RBFOX1: variants seen among roughly 807,000 people sequenced by gnomAD.
RBFOX1 encodes the protein RNA binding fox-1 homolog 1.
Under a neutral mutation model 57.7 loss-of-function variants are expected in RBFOX1, and 8 were observed. The observed-to-expected ratio is 0.14, with a 90% CI of 0.08 to 0.25. The LOEUF (loss-of-function observed/expected upper bound fraction) is 0.25, where lower values mean the gene tolerates loss of function less well. Among genes scored for constraint, RBFOX1 ranks in the 10% least tolerant of loss-of-function variants. RBFOX1 has a pLI of 1.00. For missense variants in RBFOX1, 611 were observed against 548.5 expected, an observed-to-expected ratio of 1.11 and a Z score of -1.14; for synonymous variants, 326 against 222.4, an observed-to-expected ratio of 1.47 and a Z score of -4.15.
chr16:6,692,517 C>A (rs1326040666), intron 3 of RBFOX1, among the ~76,000 whole-genome samples: 1 of 152,140 alleles, frequency 6.6e-6, no homozygotes, highest in Admixed American at 6.5e-5. Flanking sequence ...CAGCATGTGT[C>A]GGCCTCCTGG....
chr16:5,251,182 C>T (rs1278473556), intron 1 of RBFOX1, among the ~76,000 whole-genome samples: 1 of 152,232 alleles, frequency 6.6e-6, no homozygotes, highest in Non-Finnish European at 1.5e-5. Flanking sequence ...CAGACTGCCT[C>T]ACTCTGGAGA....
chr16:7,067,747 C>A (rs1238628924), intron 4 of RBFOX1, among the ~76,000 whole-genome samples: 1 of 140,020 alleles, frequency 7.1e-6, no homozygotes, highest in East Asian at 2.2e-4. Flanking sequence ...CATGTGTTCT[C>A]ATTGTTCAAT....
chr16:6,415,189 G>A (rs970891866), intron 2 of RBFOX1, among the ~76,000 whole-genome samples: 1 of 145,070 alleles, frequency 6.9e-6, no homozygotes, highest in African/African-American at 2.6e-5. Context: ...GTTGCAGTGA[G>A]CCAAGACCAT....
intron 4 of RBFOX1, among the ~76,000 whole-genome samples, chr16:7,384,905 C>T (rs779836195): frequency 3.3e-5 from 5 of 152,110 alleles, no homozygotes; most frequent in African/African-American, 1.2e-4. Context: ...GTGACAGGTG[C>T]AAGTCAGATA....
At position 7,019,979 on chromosome 16, in the gene RBFOX1, C is replaced by CTT. The variant is rs60617980; in HGVS notation, c.-15-32065_-15-32064dup. On this transcript the variant is annotated intron_variant, in intron 3 of 15. Coordinates refer to ENST00000550418, the MANE Select transcript of RBFOX1 (RefSeq NM_018723.4). ...TATATTCCCTTTCTTCTGGCTCTCT[C>CTT]TTTTTTTTTTTTTTCTCTGATGAAG... Among the ~76,000 whole-genome samples the CTT allele has an allele frequency of 3.7e-3, 526 of 143,686 alleles. 7 individuals carry two copies. Among genetic ancestry groups the CTT allele is most frequent in the African/African-American group, 0.012 (469 of 38,958 alleles). 94.3% of individuals were successfully genotyped at this position (143,686 alleles called of 152,430 possible). A position where few individuals can be genotyped will look rare whatever the true frequency, so the allele number is the denominator to read the frequency against.
chr16:6,618,406 TAGA>T (rs1216938076), intron 2 of RBFOX1, among the ~76,000 whole-genome samples: 1 of 152,210 alleles, frequency 6.6e-6, no homozygotes, highest in African/African-American at 2.4e-5. Flanking sequence ...TCATTATTTA[TAGA>T]AGAAGACACT....
At chr16:7,480,140 G>T (rs1226293327) in intron 4 of RBFOX1, among the ~76,000 whole-genome samples, 2 of 152,174 alleles carry the variant, frequency 1.3e-5, no homozygotes, top group Non-Finnish European at 2.9e-5. Context: ...TGTTAAGCCT[G>T]TGTGTCTTGG....
chr16:6,699,257 C>T (rs2061484817), intron 3 of RBFOX1, among the ~76,000 whole-genome samples: 2 of 151,368 alleles, frequency 1.3e-5, no homozygotes, highest in Admixed American at 1.3e-4. Flanking sequence ...TTCACGTTCA[C>T]TGTTGTGAGG....
At position 5,980,449 on chromosome 16, in the gene RBFOX1, G is replaced by A. The variant is rs772133683; in HGVS notation, c.351+113114G>A. 3.9e-5 allele frequency among the ~76,000 whole-genome samples: 6 copies of A among 152,154 alleles called. No individual in the cohort carries two copies. In the South Asian group the frequency reaches 8.3e-4, roughly 21 times the overall value. On this transcript the variant is annotated intron_variant, in intron 4 of 19. Coordinates refer to the RBFOX1 transcript ENST00000641259. ...GTGTCTCAGGATCCTGCAGGAGGCC[G>A]AATTCTCGCTCTGGCCCTGGGCAGA... is the stretch of plus-strand genomic sequence containing the variant.
chr16:5,378,994 G>A (rs2066062559), intron 1 of RBFOX1, among the ~76,000 whole-genome samples: 1 of 151,512 alleles, frequency 6.6e-6, no homozygotes, highest in Non-Finnish European at 1.5e-5. Context: ...CCTTCCTTGG[G>A]CTCAGGACCC....
rs1300759873 is a variant in RBFOX1 at position 6,588,230 on chromosome 16, G to A, written c.-63-66373G>A. Among the ~76,000 whole-genome samples the A allele has an allele frequency of 4.7e-5, 7 of 150,494 alleles. No individual in the cohort carries two copies. In the South Asian group the frequency reaches 6.3e-4, roughly 13 times the overall value. On this transcript the variant is annotated intron_variant, in intron 2 of 15. Transcript: ENST00000550418. ...TGGGCACAGAGCAAGACTGTGTCTCGGGAAAAAAAAAAAGAAAGGCAGTTT... is the reference window on the plus strand; with the variant it reads ...TGGGCACAGAGCAAGACTGTGTCTCAGGAAAAAAAAAAAGAAAGGCAGTTT...
At chr16:6,435,307 GTTT>G (rs1208884193) in intron 2 of RBFOX1, among the ~76,000 whole-genome samples, 2 of 151,954 alleles carry the variant, frequency 1.3e-5, no homozygotes, top group Non-Finnish European at 2.9e-5. Context: ...TTTTTGTTTT[GTTT>G]TTGTTTTTGA....
intron 4 of RBFOX1, among the ~76,000 whole-genome samples, chr16:7,383,827 C>A (rs937364311): frequency 3.0e-4 from 46 of 152,080 alleles, no homozygotes; most frequent in African/African-American, 1.1e-3. Context: ...GAGGCCGAGG[C>A]GGGCAGATCA....
intron 1 of RBFOX1, among the ~76,000 whole-genome samples, chr16:5,466,413 A>C (rs1023163921): frequency 6.6e-6 from 1 of 151,962 alleles, no homozygotes; most frequent in African/African-American, 2.4e-5. Context: ...TCCTGACCCA[A>C]CGGAGGTGCT....
In RBFOX1 at chr16:6,023,103, ATGT is replaced by A. The variant is rs566194516; in HGVS notation, c.-127+3115_-127+3117del. Among the ~76,000 whole-genome samples, 236 of 152,218 alleles carry A rather than the reference ATGT, an allele frequency of 1.6e-3. 2 individuals are homozygous for A. The highest frequency in any genetic ancestry group is 5.2e-3 in the African/African-American group (216 of 41,512). On this transcript the variant is annotated intron_variant, in intron 1 of 15. Transcript: ENST00000550418. ...AATCAACAGGTATAAAGTTTCAGTA[ATGT>A]TGTAATAAATCTTGCTGTCCGTAGA...
chr16:6,445,018 G>T (rs28662968), intron 2 of RBFOX1, among the ~76,000 whole-genome samples: 7 of 151,854 alleles, frequency 4.6e-5, no homozygotes, highest in Non-Finnish European at 1.0e-4. Flanking sequence ...AAGTATTCCA[G>T]GCAGGAGATG....
chr16:7,271,811 T>A (rs760208705), intron 4 of RBFOX1, among the ~76,000 whole-genome samples: 2 of 151,978 alleles, frequency 1.3e-5, no homozygotes, highest in African/African-American at 4.8e-5. Flanking sequence ...AATGTCTGGG[T>A]TTCACTCAGG....
At chr16:6,727,143 A>G (rs1353656294) in intron 3 of RBFOX1, among the ~76,000 whole-genome samples, 1 of 151,348 alleles carries the variant, frequency 6.6e-6, no homozygotes, top group Non-Finnish European at 1.5e-5. Flanking sequence ...AAACATGTAT[A>G]TATTTGCCTT....
chr16:7,290,959 A>T (rs2095758448), intron 4 of RBFOX1, among the ~76,000 whole-genome samples: 1 of 152,216 alleles, frequency 6.6e-6, no homozygotes, highest in Non-Finnish European at 1.5e-5. Context: ...TCAATATTGC[A>T]AAACATACAA....
Sources: gnomAD v4.1 joint callset for allele counts (sites outside exome capture counted in the v4.1 genomes callset) on GRCh38, gnomAD v4.1.1 for gene constraint, MANE v1.5 for transcripts, NCBI Gene and HGNC (gene_info 2026-07-23, HGNC 2026-07-21) for gene names.